The following CNTN3 variants were observed in gnomAD, a reference collection of about 807,000 sequenced individuals.
The protein encoded by CNTN3 is contactin 3.
A neutral mutation model predicts 119.1 loss-of-function variants in CNTN3; 60 were observed. The observed-to-expected ratio is 0.50, with a 90% confidence interval of 0.41 to 0.62. The LOEUF is 0.62. Ranked by LOEUF, CNTN3 falls within the 20% of genes least tolerant of loss-of-function variation. The pLI is 0.00. For synonymous variants in CNTN3, 450 were observed against 438.7 expected, an observed-to-expected ratio of 1.03 and a Z score of -0.32; for missense variants, 1,101 against 1,242.4, an observed-to-expected ratio of 0.89 and a Z score of 1.71.
chr3:74,299,828 A>C (rs781488926), intron 17 of CNTN3, 40 bp downstream of exon 17: 2 of 1,551,382 alleles, frequency 1.3e-6, no homozygotes, highest in South Asian at 2.3e-5. Context: ...TCATGGGAAC[A>C]GCAAGACCCT....
chr3:74,344,396 GGTTTTTTTTTTTTTTTTTTTTTTT>G (rs768037860), intron 11 of CNTN3, among the ~76,000 whole-genome samples: 2,574 of 87,810 alleles, frequency 0.029, 697 homozygotes, highest in South Asian at 0.1. Context: ...CTTACACAGT[GGTTTTTTTTTTTTTTTTTTTTTTT>G]TTTTTTTTTT....
chr3:74,417,605 A>G (rs1380724057), intron 5 of CNTN3, among the ~76,000 whole-genome samples: 1 of 152,198 alleles, frequency 6.6e-6, no homozygotes, highest in Non-Finnish European at 1.5e-5. Flanking sequence ...AGGCTCAATT[A>G]ATATTTTAAA....
At chr3:74,436,257 A>G (rs1701864329) in intron 4 of CNTN3, among the ~76,000 whole-genome samples, 1 of 152,184 alleles carries the variant, frequency 6.6e-6, no homozygotes, top group Admixed American at 6.5e-5. Context: ...TGTGAAAGAT[A>G]CCTTCTCTGA....
chr3:74,512,553 A>T (rs898367447), intron 2 of CNTN3, among the ~76,000 whole-genome samples: 5 of 152,058 alleles, frequency 3.3e-5, no homozygotes, highest in Non-Finnish European at 5.9e-5. Context: ...TCAACAAAAT[A>T]AGCAGCAAAG....
At chr3:74,365,998 T>C (rs1704177369) in intron 8 of CNTN3, among the ~76,000 whole-genome samples, 1 of 152,154 alleles carries the variant, frequency 6.6e-6, no homozygotes, top group Non-Finnish European at 1.5e-5. Context: ...TTTAGATATC[T>C]ATTAGTAGAC....
intron 22 of CNTN3, among the ~76,000 whole-genome samples, chr3:74,265,510 A>G (rs888616742): frequency 2.0e-5 from 3 of 152,172 alleles, no homozygotes; most frequent in Admixed American, 2.0e-4. Context: ...AGAGTTCTGT[A>G]GTCCAAGATG....
intron 1 of CNTN3, among the ~76,000 whole-genome samples, chr3:74,565,519 G>A (rs994602023): frequency 6.6e-6 from 1 of 152,118 alleles, no homozygotes; most frequent in Non-Finnish European, 1.5e-5. Flanking sequence ...AGTCCATTTT[G>A]CCATGGAAGG....
At chr3:74,358,770 C>T (rs2106765481) in intron 11 of CNTN3, among the ~76,000 whole-genome samples, 1 of 116,486 alleles carries the variant, frequency 8.6e-6, no homozygotes, top group Non-Finnish European at 1.7e-5. Context: ...CTCCCCCCAC[C>T]CCACAACAGT....
At chr3:74,496,035 G>A (rs377525686) in intron 3 of CNTN3, among the ~76,000 whole-genome samples, 66 of 152,160 alleles carry the variant, frequency 4.3e-4, no homozygotes, top group Admixed American at 7.2e-4. Flanking sequence ...CTAGCCACAC[G>A]TGGCTACCAA....
chr3:74,292,911 A>C (rs1702261907), intron 19 of CNTN3, among the ~76,000 whole-genome samples: 1 of 152,142 alleles, frequency 6.6e-6, no homozygotes, highest in Admixed American at 6.5e-5. Flanking sequence ...CATTGCTTTC[A>C]TCTATTGTCA....
rs758356965 is a variant in CNTN3 at position 74,557,037 on chromosome 3, C to A, written c.-80-35845G>T. On this transcript the variant is annotated intron_variant, in intron 1 of 22. Transcript: ENST00000263665. ...GTTTTTTTGTATTCTAATATAAGTC[C>A]CTTACCAGATACATAATTTATAAAT... is the stretch of plus-strand genomic sequence containing the variant. Among the ~76,000 whole-genome samples, 4 of 152,084 alleles carry A rather than the reference C, an allele frequency of 2.6e-5. No homozygotes were observed. In the South Asian group the frequency reaches 8.3e-4, roughly 32 times the overall value.
intron 3 of CNTN3, among the ~76,000 whole-genome samples, chr3:74,495,337 G>A (rs1332152670): frequency 1.3e-5 from 2 of 151,874 alleles, no homozygotes; most frequent in Non-Finnish European, 2.9e-5. Flanking sequence ...AGGACAAATT[G>A]CATATAATCA....
intron 1 of CNTN3, among the ~76,000 whole-genome samples, chr3:74,527,812 T>C (rs1332443863): frequency 6.6e-6 from 1 of 151,980 alleles, no homozygotes; most frequent in Non-Finnish European, 1.5e-5. Context: ...CATGCAATAA[T>C]GTCGCTTGTA....
At chr3:74,450,949 C>G (rs1183761539) in intron 4 of CNTN3, among the ~76,000 whole-genome samples, 1 of 151,918 alleles carries the variant, frequency 6.6e-6, no homozygotes, top group East Asian at 1.9e-4. Context: ...GTCTTTGCTA[C>G]TGTGAATAGT....
chr3:74,356,390 C>G (rs918199623), intron 11 of CNTN3, among the ~76,000 whole-genome samples: 5 of 152,022 alleles, frequency 3.3e-5, no homozygotes, highest in African/African-American at 1.2e-4. Flanking sequence ...CAACAAAAAC[C>G]CTGGTCATCT....
At chr3:74,547,697 A>G (rs1703934844) in intron 1 of CNTN3, among the ~76,000 whole-genome samples, 1 of 152,150 alleles carries the variant, frequency 6.6e-6, no homozygotes, top group Non-Finnish European at 1.5e-5. Context: ...TGTAAGACAT[A>G]TTTGTACACT....
At chr3:74,341,223 A>G (rs1040167330) in intron 11 of CNTN3, among the ~76,000 whole-genome samples, 1 of 152,226 alleles carries the variant, frequency 6.6e-6, no homozygotes, top group Non-Finnish European at 1.5e-5. Flanking sequence ...AAAAATAAAC[A>G]ATATTCAGTA....
At chr3:74,274,162 T>C (rs1701835664) in intron 20 of CNTN3, among the ~76,000 whole-genome samples, 1 of 152,002 alleles carries the variant, frequency 6.6e-6, no homozygotes, top group African/African-American at 2.4e-5. Flanking sequence ...AGACCTGCTG[T>C]AGGAGGAGGT....
At chr3:74,582,043 A>G (rs1221828326) in intron 1 of CNTN3, among the ~76,000 whole-genome samples, 1 of 152,174 alleles carries the variant, frequency 6.6e-6, no homozygotes, top group African/African-American at 2.4e-5. Flanking sequence ...ACAGAGGGAC[A>G]AAATGTTAAT....
Sources: gnomAD v4.1 joint callset for allele counts (sites outside exome capture counted in the v4.1 genomes callset) on GRCh38, gnomAD v4.1.1 for gene constraint, MANE v1.5 for transcripts, NCBI Gene and HGNC (gene_info 2026-07-23, HGNC 2026-07-21) for gene names.